Variants in SLC29A2 observed in about 807,000 individuals in gnomAD.
SLC29A2 encodes solute carrier family 29 member 2.
Under a neutral mutation model 48.8 loss-of-function variants are expected in SLC29A2, and 37 were observed. The ratio of observed to expected loss-of-function variants is 0.76; its 90% confidence interval spans 0.58 to 1.00. The LOEUF (loss-of-function observed/expected upper bound fraction) is 1.00, where lower values mean the gene tolerates loss of function less well. Among genes scored for constraint, SLC29A2 ranks in the 50% least tolerant of loss-of-function variants. The probability of loss-of-function intolerance (pLI) is 0.00; values close to 1 mark genes in which losing one functional copy is unlikely to be tolerated. For missense variants in SLC29A2, 533 were observed against 578.6 expected, an observed-to-expected ratio of 0.92 and a Z score of 0.81; for synonymous variants, 233 against 261.7, an observed-to-expected ratio of 0.89 and a Z score of 1.06.
intron 6 of SLC29A2, 107 bp from the exon 7 acceptor site, chr11:66,367,655 GGGGTC>G: frequency 1.4e-6 from 2 of 1,463,528 alleles, no homozygotes; most frequent in Non-Finnish European, 1.9e-6. Context: ...GTCTTCTCTG[GGGGTC>G]AGGGCTGAGA....
In SLC29A2 at chr11:66,369,526, G is replaced by C; in HGVS notation, c.118C>G (p.Gln40Glu). The change falls in exon 3 of 12, where the codon CAG becomes GAG. Residue 40 changes from glutamine to glutamate, a missense_variant. Coordinates refer to ENST00000357440, the MANE Select transcript of SLC29A2 (RefSeq NM_001532.3). Reference sequence around the variant, plus strand: ...TTGCCGGCCCCGGCCAGTCGCGCCTGGAAGTACTGCCAGGTGGGGAGGTGG... The same window carrying C: ...TTGCCGGCCCCGGCCAGTCGCGCCTCGAAGTACTGCCAGGTGGGGAGGTGG... Reference protein sequence around the residue: ...NFFITAIPYFQARLAGAGNST... With the variant: ...NFFITAIPYFEARLAGAGNST... The C allele has an allele frequency of 6.2e-7, 1 of 1,613,800 alleles. No homozygotes were observed.
Position 66,369,360 on chromosome 11 carries a change from G to A in SLC29A2, c.275+9C>T. ...GCAGAGGGCGCAGGAGCCAGGGCAG[G>A]CCTCTCACCACTGGTACAGGAAGGA... On this transcript the variant is annotated intron_variant, in intron 3 of 11. Transcript: ENST00000357440. 1.7e-5 allele frequency: 28 copies of A among 1,613,862 alleles called. No homozygotes were observed. The highest frequency in any genetic ancestry group is 2.4e-5 in the Non-Finnish European group (28 of 1,179,874).
intron 8 of SLC29A2, 74 bp from the exon 9 acceptor site, chr11:66,366,305 G>A: frequency 6.3e-7 from 1 of 1,598,334 alleles, no homozygotes; most frequent in Non-Finnish European, 8.6e-7. Flanking sequence ...AGCCCCATGT[G>A]GGAGCAGGAC....
chr11:66,366,243 A>G lies in SLC29A2; in HGVS notation c.868-12T>C, dbSNP rs199726360. On this transcript the variant is annotated splice_polypyrimidine_tract_variant and intron_variant, in intron 8 of 11. Transcript: ENST00000357440. ...GCTGTCAGCCAGATCTGGGAGCCAG[A>G]GGCAGGGGTGTGAGCAGGCAGGGCA... 6 of 1,612,704 alleles carry G rather than the reference A, an allele frequency of 3.7e-6. No homozygotes were observed. The East Asian group carries it at 1.1e-4, about 30-fold the overall frequency.
intron 11 of SLC29A2, 86 bp downstream of exon 11, chr11:66,364,139 C>A: frequency 8.8e-7 from 1 of 1,132,236 alleles, no homozygotes; most frequent in Non-Finnish European, 1.3e-6. Context: ...CAGGATGGGC[C>A]GTCCCTCCAT....
rs545219121 is a variant in SLC29A2, at chr11:66,364,081, G to T, written c.1259+144C>A. The T allele has an allele frequency of 1.4e-5, 10 of 722,094 alleles. No individual in the cohort carries two copies. The East Asian group carries it at 2.4e-4, about 18-fold the overall frequency. The allele number at this position is 722,094 out of a possible 1,614,324, so 44.7% of individuals were successfully genotyped here. A position where few individuals can be genotyped will look rare whatever the true frequency, so the allele number is the denominator to read the frequency against. On this transcript the variant is annotated intron_variant, in intron 11 of 11. Coordinates refer to ENST00000357440, the MANE Select transcript of SLC29A2 (RefSeq NM_001532.3). Reference sequence around the variant, plus strand: ...CTGCAGTTAAGGCTTGGCCCAGTAGGGGGCGCCAGCAAGGCCTGCAGACAG... The same window carrying T: ...CTGCAGTTAAGGCTTGGCCCAGTAGTGGGCGCCAGCAAGGCCTGCAGACAG...
At chr11:66,371,216 G>T in intron 2 of SLC29A2, 28 bp downstream of exon 2, 2 of 1,603,096 alleles carry the variant, frequency 1.2e-6, no homozygotes, top group Non-Finnish European at 8.5e-7. Flanking sequence ...CTGTGGCCAC[G>T]AGGCTGCCAC....
chr11:66,371,870 C>G (rs932064637), upstream of SLC29A2: 4 of 529,936 alleles, frequency 7.5e-6, no homozygotes, highest in Non-Finnish European at 1.0e-5. Context: ...GGCTCGGGCC[C>G]CGCCCCACCT....
chr11:66,363,864 C>T (rs1037759860), intron 11 of SLC29A2: 7 of 509,146 alleles, frequency 1.4e-5, no homozygotes, highest in Non-Finnish European at 2.1e-5. Flanking sequence ...GGAAATAGCC[C>T]ATGACCTTGT....
intron 8 of SLC29A2, 65 bp from the exon 9 acceptor site, chr11:66,366,296 GCC>G: frequency 6.3e-7 from 1 of 1,597,632 alleles, no homozygotes; most frequent in East Asian, 2.2e-5. Context: ...TCTTGCCCAA[GCC>G]CCATGTGGGA....
chr11:66,364,250 A>C lies in SLC29A2; in HGVS notation c.1234T>G (p.Ser412Ala), dbSNP rs372698108. The change falls in exon 11 of 12, where the codon TCC becomes GCC. Residue 412 changes from serine to alanine, a missense_variant. Ser to Ala is a moderately conservative substitution (Grantham distance 99, BLOSUM62 1). Transcript: ENST00000357440. ...LFAVSNGYLV[S>A]LTMCLAPRQV... Reference sequence around the variant, plus strand: ...CTGGGCGCCAGGCACATGGTGAGGGACACCAGGTAGCCATTAGAAACGGCA... The same window carrying C: ...CTGGGCGCCAGGCACATGGTGAGGGCCACCAGGTAGCCATTAGAAACGGCA... 2 of 1,516,794 alleles carry C rather than the reference A, an allele frequency of 1.3e-6. No individual in the cohort carries two copies. Among genetic ancestry groups the C allele is most frequent in the Admixed American group, 1.8e-5 (1 of 57,068 alleles). The allele number at this position is 1,516,794 out of a possible 1,614,324, so 94.0% of individuals were successfully genotyped here.
chr11:66,368,185 A>G (rs1292971508), intron 5 of SLC29A2, among the ~76,000 whole-genome samples: 2 of 152,164 alleles, frequency 1.3e-5, no homozygotes, highest in Non-Finnish European at 2.9e-5. Context: ...GAGAGGTGAC[A>G]AGCCTTGTCC....
Position 66,369,187 on chromosome 11 carries a change from C to G in SLC29A2, c.288G>C (p.Thr96=), listed in dbSNP as rs8187647. 1 of 1,575,048 alleles carries G rather than the reference C, an allele frequency of 6.3e-7. No individual in the cohort carries two copies. Among genetic ancestry groups the G allele is most frequent in the Non-Finnish European group, 8.6e-7 (1 of 1,160,764 alleles). The change falls in exon 4 of 12, where the codon ACG becomes ACC. Residue 96 remains threonine, a synonymous_variant. Coordinates refer to ENST00000357440, the MANE Select transcript of SLC29A2 (RefSeq NM_001532.3). ...NSFLYQCVPE[T]VRILGSLLAI... ...CCAGCAGGCTGCCCAGAATGCGCAC[C>G]GTCTCCGGGACGCTGCTCAGAAGCA... is the stretch of plus-strand genomic sequence containing the variant.
intron 7 of SLC29A2, 22 bp downstream of exon 7, chr11:66,367,442 C>T (rs780621370): frequency 1.9e-6 from 3 of 1,609,586 alleles, no homozygotes; most frequent in Non-Finnish European, 2.6e-6. Context: ...TCCCACCTCC[C>T]CAGGAGGGTC....
chr11:66,368,716 T>C, intron 4 of SLC29A2, 45 bp from the exon 5 acceptor site: 1 of 1,572,874 alleles, frequency 6.4e-7, no homozygotes, highest in Non-Finnish European at 8.6e-7. Flanking sequence ...TAGGCAAGAC[T>C]CAGAGGCTCC....
chr11:66,371,523 A>G (rs2135018718), intron 1 of SLC29A2, 40 bp downstream of exon 1: 1 of 1,549,598 alleles, frequency 6.5e-7, no homozygotes, highest in Non-Finnish European at 8.7e-7. Context: ...GCGGGTCTGC[A>G]ACGCCCCCGG....
intron 10 of SLC29A2, 128 bp downstream of exon 10, chr11:66,365,808 G>T: frequency 1.1e-6 from 1 of 886,248 alleles, no homozygotes; most frequent in Non-Finnish European, 1.9e-6. Flanking sequence ...AGTGCTCCCT[G>T]CTGCTTGGCC....
Position 66,371,648 on chromosome 11 carries a change from T to A in SLC29A2, c.-57A>T. ...GGGGCAGAGAAGCCGCACCTGCACC[T>A]GCGCTGGGGCGGAGGGCCGCAGACC... On this transcript the variant is annotated 5_prime_UTR_variant, in exon 1 of 12. Transcript: ENST00000357440. 6.7e-7 allele frequency: 1 copy of A among 1,500,706 alleles called. No homozygotes were observed. Among genetic ancestry groups the A allele is most frequent in the Non-Finnish European group, 9.0e-7 (1 of 1,116,762 alleles). 93.0% of individuals were successfully genotyped at this position (1,500,706 alleles called of 1,614,324 possible).
chr11:66,363,855 G>A, intron 11 of SLC29A2: 1 of 515,724 alleles, frequency 1.9e-6, no homozygotes, highest in Non-Finnish European at 3.5e-6. Context: ...GCCCCTTGAG[G>A]AAATAGCCCA....
Sources: gnomAD v4.1 joint callset for allele counts (sites outside exome capture counted in the v4.1 genomes callset) on GRCh38, gnomAD v4.1.1 for gene constraint, MANE v1.5 for transcripts, NCBI Gene and HGNC (gene_info 2026-07-23, HGNC 2026-07-21) for gene names.